The following LAMC3 variants were observed in gnomAD, a reference collection of about 807,000 sequenced individuals.
The protein encoded by LAMC3 is laminin subunit gamma 3.
Under a neutral mutation model 173.8 loss-of-function variants are expected in LAMC3, and 128 were observed. That is an observed-to-expected ratio of 0.74 (90% CI 0.64 to 0.85). LAMC3 has a LOEUF of 0.85. Among genes scored for constraint, LAMC3 ranks in the 40% least tolerant of loss-of-function variants. The probability of loss-of-function intolerance (pLI) is 0.00; values close to 1 mark genes in which losing one functional copy is unlikely to be tolerated. For missense variants in LAMC3, 2,022 were observed against 2,156.0 expected, an observed-to-expected ratio of 0.94 and a Z score of 1.23; for synonymous variants, 897 against 909.1, an observed-to-expected ratio of 0.99 and a Z score of 0.24.
rs1296044236 is a variant in LAMC3 at position 131,029,862 on chromosome 9, T to C, written c.679-2183T>C. On this transcript the variant is annotated intron_variant, in intron 2 of 27. Coordinates refer to ENST00000361069, the MANE Select transcript of LAMC3 (RefSeq NM_006059.4). This position sits in a 1 kb window ranked among gnomAD's most constrained non-coding sequence, Gnocchi z 4.6. ...GCCATGGCCTGAGTCCTGGGATCCA[T>C]CTAAAATCAACTCCAGCACCCACTC... 6.6e-6 allele frequency among the ~76,000 whole-genome samples: 1 copy of C among 152,002 alleles called. No homozygotes were observed. Among genetic ancestry groups the C allele is most frequent in the Non-Finnish European group, 1.5e-5 (1 of 68,002 alleles).
chr9:131,071,462 C>T (rs200181737), intron 17 of LAMC3, 22 bp from the exon 18 acceptor site: 1 of 1,612,474 alleles, frequency 6.2e-7, no homozygotes, highest in Non-Finnish European at 8.5e-7. Context: ...CCTCATACAC[C>T]TTTTCTTCCT....
chr9:131,039,559 G>T (rs542476354), intron 6 of LAMC3, among the ~76,000 whole-genome samples: 1 of 151,992 alleles, frequency 6.6e-6, no homozygotes, highest in Non-Finnish European at 1.5e-5. Context: ...TGGGGGGCAC[G>T]GGAGGCCTCT....
intron 2 of LAMC3, among the ~76,000 whole-genome samples, chr9:131,030,348 G>A (rs1372970112): frequency 2.0e-5 from 3 of 152,168 alleles, no homozygotes; most frequent in African/African-American, 7.2e-5. Flanking sequence ...ATTCCTTTGT[G>A]GTCATTGTCC....
At position 131,041,525 on chromosome 9, in the gene LAMC3, G is replaced by A. The variant is rs73548527; in HGVS notation, c.1284-112G>A. 3.2e-4 allele frequency: 298 copies of A among 923,556 alleles called. No homozygotes were observed. In the African/African-American group the frequency reaches 4.1e-3, roughly 13 times the overall value. 57.2% of individuals were successfully genotyped at this position (923,556 alleles called of 1,614,324 possible). A position where few individuals can be genotyped will look rare whatever the true frequency, so the allele number is the denominator to read the frequency against. On this transcript the variant is annotated intron_variant, in intron 6 of 27. Coordinates refer to ENST00000361069, the MANE Select transcript of LAMC3 (RefSeq NM_006059.4). ...CAGTAAAGCCAGGTCAGTTACCTGC[G>A]TCAGCCTCACTCCTGATGTTGGCAG...
chr9:131,057,982 G>A (rs1184540096), intron 12 of LAMC3, among the ~76,000 whole-genome samples: 1 of 152,248 alleles, frequency 6.6e-6, no homozygotes, highest in East Asian at 1.9e-4. Flanking sequence ...CATCTCACAG[G>A]TGAAGGCCCC....
chr9:131,041,492 G>A lies in LAMC3; in HGVS notation c.1284-145G>A, dbSNP rs1834056597. 1.9e-5 allele frequency: 14 copies of A among 731,936 alleles called. No individual in the cohort carries two copies. The South Asian group carries it at 2.0e-4, about 10-fold the overall frequency. The allele number at this position is 731,936 out of a possible 1,614,324, so 45.3% of individuals were successfully genotyped here. A position where few individuals can be genotyped will look rare whatever the true frequency, so the allele number is the denominator to read the frequency against. On this transcript the variant is annotated intron_variant, in intron 6 of 27. Transcript: ENST00000361069. ...GATGGATGGGTCACTTCCTTGGCAA[G>A]ATGGGAACAGTAAAGCCAGGTCAGT...
chr9:131,032,449 CCCTCCCTT>C (rs751440821), intron 3 of LAMC3, among the ~76,000 whole-genome samples: 14 of 151,558 alleles, frequency 9.2e-5, no homozygotes, highest in Non-Finnish European at 1.5e-4. Context: ...CTCCCTCCCT[CCCTCCCTT>C]CCTCCCTTCG....
chr9:131,055,840 G>A (rs1330476014), intron 11 of LAMC3, among the ~76,000 whole-genome samples: 1 of 151,922 alleles, frequency 6.6e-6, no homozygotes, highest in African/African-American at 2.4e-5. Context: ...ACATTTCTGT[G>A]TCAATTAGCT....
Position 131,049,060 on chromosome 9 carries a change from G to A in LAMC3, c.1560G>A (p.Glu520=), listed in dbSNP as rs1214039002. 3.9e-6 allele frequency: 6 copies of A among 1,551,924 alleles called. No homozygotes were observed. Among genetic ancestry groups the A allele is most frequent in the Non-Finnish European group, 8.7e-7 (1 of 1,147,264 alleles). ...GGGCCAGAAGTGTGGGGGGCTCTGAGCACCCCCCACAATGGAGCCCAAATG... is the reference window on the plus strand; with the variant it reads ...GGGCCAGAAGTGTGGGGGGCTCTGAACACCCCCCACAATGGAGCCCAAATG... ...GWWARSVGGS[E]HPPQWSPNGV... is the part of the protein sequence containing the mutation. The change falls in exon 9 of 28, where the codon GAG becomes GAA. Residue 520 remains glutamate, a synonymous_variant. Transcript: ENST00000361069.
chr9:131,054,925 C>T (rs973076757), intron 11 of LAMC3, among the ~76,000 whole-genome samples: 8 of 152,150 alleles, frequency 5.3e-5, no homozygotes, highest in South Asian at 4.1e-4. Flanking sequence ...AACAGTGCGT[C>T]GTGGAGGTTG....
chr9:131,091,512 T>C (rs745667440), intron 27 of LAMC3, 25 bp from the exon 28 acceptor site: 13 of 1,564,914 alleles, frequency 8.3e-6, no homozygotes, highest in Non-Finnish European at 3.5e-6. Flanking sequence ...TGGCTCACAG[T>C]GAGGCTGTTT....
In LAMC3 at chr9:131,038,934, C is replaced by T. The variant is rs45603838; in HGVS notation, c.1047C>T (p.Gly349=). The T allele has an allele frequency of 0.084, 135,761 of 1,613,006 alleles. 6,162 individuals carry two copies. Among genetic ancestry groups the T allele is most frequent in the Middle Eastern group, 0.14 (824 of 6,062 alleles). ...AGCTCTTCCGCAGCACAGGCCACGGCGGGCGCTGTCACCACTGCCGTGACC... is the reference window on the plus strand; with the variant it reads ...AGCTCTTCCGCAGCACAGGCCACGGTGGGCGCTGTCACCACTGCCGTGACC... ...DRELFRSTGH[G]GRCHHCRDHT... The change falls in exon 5 of 28, where the codon GGC becomes GGT. Residue 349 remains glycine, a synonymous_variant. Coordinates refer to ENST00000361069, the MANE Select transcript of LAMC3 (RefSeq NM_006059.4).
chr9:131,067,671 G>A (rs1055924320), intron 14 of LAMC3, among the ~76,000 whole-genome samples: 3 of 152,152 alleles, frequency 2.0e-5, no homozygotes, highest in Non-Finnish European at 4.4e-5. Flanking sequence ...GCTCACTCTC[G>A]CTTTGTGGAA....
chr9:131,033,534 G>C (rs1004615540), intron 3 of LAMC3, among the ~76,000 whole-genome samples: 2 of 152,106 alleles, frequency 1.3e-5, no homozygotes, highest in Non-Finnish European at 1.5e-5. Flanking sequence ...TGGAGAGGTT[G>C]GCAGAGTGTC....
chr9:131,042,697 C>T (rs1179986072), intron 7 of LAMC3, among the ~76,000 whole-genome samples: 1 of 151,304 alleles, frequency 6.6e-6, no homozygotes, highest in African/African-American at 2.4e-5. Context: ...CCATATCAAA[C>T]TTTCCCTTTC....
In LAMC3 at chr9:131,049,038, C is replaced by T; in HGVS notation, c.1538C>T (p.Ala513Val). The change falls in exon 9 of 28, where the codon GCC becomes GTC. Residue 513 changes from alanine to valine, a missense_variant. By Grantham distance (64) the Ala-to-Val change is moderately conservative (BLOSUM62 0). Transcript: ENST00000361069. ...DFHQGAEGWW[A>V]RSVGGSEHPP... ...TGTCTAGGAGCCGAAGGCTGGTGGGCCAGAAGTGTGGGGGGCTCTGAGCAC... is the reference window on the plus strand; with the variant it reads ...TGTCTAGGAGCCGAAGGCTGGTGGGTCAGAAGTGTGGGGGGCTCTGAGCAC... The T allele has an allele frequency of 1.3e-6, 2 of 1,550,554 alleles. No individual in the cohort carries two copies. The highest frequency in any genetic ancestry group is 1.2e-5 in the South Asian group (1 of 84,022).
chr9:131,081,958 T>A, intron 23 of LAMC3, 101 bp from the exon 24 acceptor site: 1 of 791,030 alleles, frequency 1.3e-6, no homozygotes, highest in Non-Finnish European at 2.2e-6. Context: ...GATTTGGTGA[T>A]GATTTGGGCA....
chr9:131,025,463 C>T (rs184490846), intron 1 of LAMC3, among the ~76,000 whole-genome samples: 10 of 151,724 alleles, frequency 6.6e-5, no homozygotes, highest in African/African-American at 1.7e-4. Flanking sequence ...AGCTGGGTGT[C>T]GGGGGCATGT....
At chr9:131,048,904 T>C in intron 8 of LAMC3, 116 bp from the exon 9 acceptor site, 1 of 632,836 alleles carries the variant, frequency 1.6e-6, no homozygotes. Context: ...GTCCCTGAGC[T>C]TTCTAGCTTC....
Sources: gnomAD v4.1 joint callset for allele counts (sites outside exome capture counted in the v4.1 genomes callset) on GRCh38, gnomAD v4.1.1 for gene constraint, Gnocchi (gnomAD v3.1) non-coding constraint, MANE v1.5 for transcripts, NCBI Gene and HGNC (gene_info 2026-07-23, HGNC 2026-07-21) for gene names.